PLCXD3: variants seen among roughly 807,000 people sequenced by gnomAD.
PLCXD3 encodes the protein PI-PLC X domain-containing protein 3.
Under a neutral mutation model 25.5 loss-of-function variants are expected in PLCXD3, and 19 were observed. The observed-to-expected ratio is 0.75, with a 90% CI of 0.52 to 1.09. The LOEUF (loss-of-function observed/expected upper bound fraction) is 1.09, where lower values mean the gene tolerates loss of function less well. PLCXD3 is among the 50% of genes least tolerant of loss of function. The probability of loss-of-function intolerance (pLI) is 0.00; values close to 1 mark genes in which losing one functional copy is unlikely to be tolerated. For synonymous variants in PLCXD3, 174 were observed against 137.6 expected, an observed-to-expected ratio of 1.26 and a Z score of -1.85; for missense variants, 411 against 388.1, an observed-to-expected ratio of 1.06 and a Z score of -0.50.
intron 1 of PLCXD3, among the ~76,000 whole-genome samples, chr5:41,495,153 C>T (rs1476513369): frequency 1.3e-5 from 2 of 152,346 alleles, no homozygotes; most frequent in East Asian, 3.9e-4. Flanking sequence ...CAGAGTCATG[C>T]AATTGGGAAG....
chr5:41,391,264 C>G (rs1745806517), intron 1 of PLCXD3, among the ~76,000 whole-genome samples: 1 of 152,132 alleles, frequency 6.6e-6, no homozygotes, highest in South Asian at 2.1e-4. Context: ...TCACCCCTCC[C>G]CTAACCTCAG....
At chr5:41,445,879 G>C (rs998555033) in intron 1 of PLCXD3, among the ~76,000 whole-genome samples, 10 of 151,952 alleles carry the variant, frequency 6.6e-5, no homozygotes, top group African/African-American at 2.4e-4. Flanking sequence ...TTAACAGTAA[G>C]TATTTAAATT....
rs1184740194 is a variant in PLCXD3, at chr5:41,312,633, T to A, written c.*984A>T. 1.4e-5 allele frequency: 2 copies of A among 144,100 alleles called. No homozygotes were observed. Among genetic ancestry groups the A allele is most frequent in the African/African-American group, 5.1e-5 (2 of 39,252 alleles). 8.9% of individuals were successfully genotyped at this position (144,100 alleles called of 1,614,324 possible). A position where few individuals can be genotyped will look rare whatever the true frequency, so the allele number is the denominator to read the frequency against. Reference sequence around the variant, plus strand: ...TTCCTTCCTTCCTCCCGTCCTTCCTTCTGTCCTTCCCTCCCTTCTTCCCTC... The same window carrying A: ...TTCCTTCCTTCCTCCCGTCCTTCCTACTGTCCTTCCCTCCCTTCTTCCCTC... On this transcript the variant is annotated 3_prime_UTR_variant, in exon 3 of 3. Transcript: ENST00000377801.
At chr5:41,331,594 T>A (rs1284537530) in intron 2 of PLCXD3, among the ~76,000 whole-genome samples, 1 of 152,090 alleles carries the variant, frequency 6.6e-6, no homozygotes, top group Non-Finnish European at 1.5e-5. Flanking sequence ...AAAAACTACT[T>A]TAAAGTTCAT....
chr5:41,402,270 TAC>T (rs1262341361), intron 1 of PLCXD3, among the ~76,000 whole-genome samples: 2 of 151,796 alleles, frequency 1.3e-5, no homozygotes, highest in East Asian at 3.8e-4. Context: ...TCAGAAATTC[TAC>T]AGTGTTATAT....
chr5:41,391,607 GC>G (rs1333241450), intron 1 of PLCXD3, among the ~76,000 whole-genome samples: 2 of 152,140 alleles, frequency 1.3e-5, no homozygotes, highest in Admixed American at 1.3e-4. Flanking sequence ...AGACTTGCTG[GC>G]TTCAGGTGAG....
chr5:41,442,536 G>A (rs552267330), intron 1 of PLCXD3, among the ~76,000 whole-genome samples: 1 of 152,274 alleles, frequency 6.6e-6, no homozygotes, highest in East Asian at 1.9e-4. Context: ...GTATTACAAG[G>A]ATTAAATGAA....
At chr5:41,495,355 C>A (rs1483529295) in intron 1 of PLCXD3, among the ~76,000 whole-genome samples, 1 of 152,200 alleles carries the variant, frequency 6.6e-6, no homozygotes, top group South Asian at 2.1e-4. Flanking sequence ...CAACTTGCTG[C>A]CCCTCCAGAG....
intron 1 of PLCXD3, among the ~76,000 whole-genome samples, chr5:41,453,542 T>C (rs1416467230): frequency 6.6e-6 from 1 of 151,976 alleles, no homozygotes; most frequent in African/African-American, 2.4e-5. Context: ...TTTATCGTGG[T>C]CAAGTTATTC....
At chr5:41,477,996 G>A (rs957418572) in intron 1 of PLCXD3, among the ~76,000 whole-genome samples, 4 of 152,206 alleles carry the variant, frequency 2.6e-5, no homozygotes, top group Admixed American at 1.3e-4. Context: ...CTAGGAGTAG[G>A]GTGGGAGTGG....
Position 41,379,807 on chromosome 5 carries a change from C to T in PLCXD3, c.812+2019G>A, listed in dbSNP as rs75493030. On this transcript the variant is annotated intron_variant, in intron 2 of 2. Coordinates refer to ENST00000377801, the MANE Select transcript of PLCXD3 (RefSeq NM_001005473.3). ...CTCAGAATGGGACATGGACAGACTGCGTGGGATAATTAAGCCATAAAATGA... is the reference window on the plus strand; with the variant it reads ...CTCAGAATGGGACATGGACAGACTGTGTGGGATAATTAAGCCATAAAATGA... Among the ~76,000 whole-genome samples the T allele has an allele frequency of 6.2e-4, 94 of 151,848 alleles. 1 individual carries two copies. The East Asian group carries it at 0.014, about 23-fold the overall frequency.
At position 41,382,360 on chromosome 5, in the gene PLCXD3, C is replaced by T. The variant is rs1163125245; in HGVS notation, c.278G>A (p.Arg93His). Residue 93 changes from arginine (R) to histidine (H), a missense_variant, in exon 2 of 3, where the codon CGT becomes CAT. Physicochemically the swap from Arg to His is conservative, Grantham distance 29 (BLOSUM62 0). Coordinates refer to ENST00000377801, the MANE Select transcript of PLCXD3 (RefSeq NM_001005473.3). Reference protein sequence around the residue: ...NFTGQLGAGIRYFDLRISTKP... With the variant: ...NFTGQLGAGIHYFDLRISTKP... ...GGTGGAAATTCGAAGATCAAAATAA[C>T]GAATTCCAGCTCCTAGCTGGCCAGT... 3 of 1,613,326 alleles carry T rather than the reference C, an allele frequency of 1.9e-6. No individual in the cohort carries two copies. Among genetic ancestry groups the T allele is most frequent in the Non-Finnish European group, 2.5e-6 (3 of 1,179,710 alleles).
chr5:41,353,195 C>T (rs1744521451), intron 2 of PLCXD3, among the ~76,000 whole-genome samples: 2 of 151,504 alleles, frequency 1.3e-5, no homozygotes, highest in African/African-American at 4.8e-5. Context: ...CGGGTTCATG[C>T]CATTCTCCTG....
chr5:41,327,171 C>T (rs1743654361), intron 2 of PLCXD3, among the ~76,000 whole-genome samples: 1 of 152,076 alleles, frequency 6.6e-6, no homozygotes, highest in African/African-American at 2.4e-5. Flanking sequence ...AAGGGAACAG[C>T]ACATGCAAAA....
At chr5:41,365,955 T>A (rs978961262) in intron 2 of PLCXD3, among the ~76,000 whole-genome samples, 1 of 147,116 alleles carries the variant, frequency 6.8e-6, no homozygotes, top group African/African-American at 2.5e-5. Context: ...TTATTTATTT[T>A]ATTATACTTT....
intron 1 of PLCXD3, among the ~76,000 whole-genome samples, chr5:41,431,620 C>T (rs760945962): frequency 1.3e-5 from 2 of 151,846 alleles, no homozygotes; most frequent in Non-Finnish European, 2.9e-5. Flanking sequence ...CCTTTTTGTT[C>T]TTCATTCAAA....
At chr5:41,434,552 A>G (rs1747192749) in intron 1 of PLCXD3, among the ~76,000 whole-genome samples, 2 of 152,196 alleles carry the variant, frequency 1.3e-5, no homozygotes, top group Admixed American at 1.3e-4. Context: ...CACAATTGGT[A>G]TAGGAGCCCT....
chr5:41,320,401 A>G (rs1302885922), intron 2 of PLCXD3, among the ~76,000 whole-genome samples: 1 of 152,254 alleles, frequency 6.6e-6, no homozygotes, highest in Non-Finnish European at 1.5e-5. Context: ...TAATTCAGGA[A>G]TACATTAGAA....
At chr5:41,451,628 A>G (rs1482804907) in intron 1 of PLCXD3, among the ~76,000 whole-genome samples, 2 of 151,622 alleles carry the variant, frequency 1.3e-5, no homozygotes, top group Admixed American at 1.3e-4. Flanking sequence ...TAGATCTGAG[A>G]TCTTTCCTCT....
Sources: allele counts gnomAD v4.1 joint callset (sites outside exome capture counted in the v4.1 genomes callset), GRCh38; gene constraint gnomAD v4.1.1; transcripts MANE v1.5; gene names NCBI Gene and HGNC (gene_info 2026-07-23, HGNC 2026-07-21).